The following RTTN variants were observed in gnomAD, a reference collection of about 807,000 sequenced individuals.
RTTN encodes rotatin.
A neutral mutation model predicts 269.2 loss-of-function variants in RTTN; 182 were observed. That is an observed-to-expected ratio of 0.68 (90% CI 0.60 to 0.76). The LOEUF is 0.76. Ranked by LOEUF, RTTN falls within the 30% of genes least tolerant of loss-of-function variation. The pLI, the probability that RTTN is intolerant of heterozygous loss-of-function variation, is 0.00. For synonymous variants in RTTN, 1,006 were observed against 963.5 expected (o/e 1.04, Z -0.82); for missense variants, 2,545 against 2,608.6 (o/e 0.98, Z 0.53).
chr18:70,121,811 G>A (rs1299604415), intron 25 of RTTN, 111 bp from the exon 26 acceptor site: 4 of 1,030,674 alleles, frequency 3.9e-6, no homozygotes, highest in Non-Finnish European at 5.4e-6. Context: ...GCTATTTTAT[G>A]AGACACTGTT....
At chr18:70,103,651 C>T (rs927442786) in intron 28 of RTTN, among the ~76,000 whole-genome samples, 1 of 151,778 alleles carries the variant, frequency 6.6e-6, no homozygotes, top group Non-Finnish European at 1.5e-5. Flanking sequence ...CCTAGGAAAA[C>T]CAGAGACCTT....
intron 40 of RTTN, among the ~76,000 whole-genome samples, chr18:70,032,076 G>T (rs2057029920): frequency 6.6e-6 from 1 of 152,218 alleles, no homozygotes; most frequent in South Asian, 2.1e-4. Context: ...AGCCCAGAGA[G>T]TTTGGTATGG....
intron 30 of RTTN, among the ~76,000 whole-genome samples, chr18:70,090,747 A>G (rs1274052977): frequency 6.6e-6 from 1 of 152,192 alleles, no homozygotes; most frequent in Non-Finnish European, 1.5e-5. Flanking sequence ...GACCCTGCCC[A>G]GTGCTTCAGG....
At chr18:70,165,664 A>C (rs111648407) in intron 14 of RTTN, among the ~76,000 whole-genome samples, 7 of 152,224 alleles carry the variant, frequency 4.6e-5, no homozygotes, top group African/African-American at 1.7e-4. Flanking sequence ...CAGAAAAATA[A>C]ATATTTCAAA....
intron 27 of RTTN, 78 bp downstream of exon 27, chr18:70,114,367 C>T: frequency 7.7e-7 from 1 of 1,293,850 alleles, no homozygotes. Flanking sequence ...GAAAGAAGTA[C>T]AAAGTAAAAC....
intron 26 of RTTN, among the ~76,000 whole-genome samples, chr18:70,119,212 A>C (rs1427704105): frequency 6.6e-6 from 1 of 152,138 alleles, no homozygotes; most frequent in Non-Finnish European, 1.5e-5. Flanking sequence ...CTTTGATCTT[A>C]AAAATGAATT....
chr18:70,116,394 T>G (rs983546238), intron 26 of RTTN, among the ~76,000 whole-genome samples: 1 of 152,108 alleles, frequency 6.6e-6, no homozygotes, highest in African/African-American at 2.4e-5. Context: ...TATTAATAAC[T>G]TGCTTCCACT....
chr18:70,031,768 A>C (rs983734430), intron 40 of RTTN, among the ~76,000 whole-genome samples: 1 of 151,242 alleles, frequency 6.6e-6, no homozygotes, highest in Admixed American at 6.6e-5. Context: ...AGACTGGCAC[A>C]CTCCTAGCAG....
chr18:70,190,616 C>T lies in RTTN; in HGVS notation c.1111G>A (p.Glu371Lys). 6.2e-7 allele frequency: 1 copy of T among 1,613,764 alleles called. No individual in the cohort carries two copies. The highest frequency in any genetic ancestry group is 8.5e-7 in the Non-Finnish European group (1 of 1,179,686). Residue 371 changes from glutamate (E) to lysine (K), a missense_variant, in exon 9 of 49, where the codon GAA (glutamate) becomes AAA (lysine). Glu to Lys is a moderately conservative substitution (Grantham distance 56). Coordinates refer to ENST00000640769, the MANE Select transcript of RTTN (RefSeq NM_173630.4). ...LPELETEDTL[E>K]LQFQQLSLPQ... ...AGACTGAGCTGCTGGAATTGTAGTT[C>T]CAATGTGTCTTCAGTTTCCAGCTCT...
At chr18:70,020,554 G>T in intron 45 of RTTN, 61 bp downstream of exon 45, 2 of 1,365,492 alleles carry the variant, frequency 1.5e-6, no homozygotes, top group East Asian at 2.3e-5. Context: ...GTAAACTTTT[G>T]ATTGGAAAGA....
chr18:70,160,257 C>A (rs1195512006), intron 14 of RTTN, among the ~76,000 whole-genome samples: 2 of 151,882 alleles, frequency 1.3e-5, no homozygotes, highest in African/African-American at 4.8e-5. Flanking sequence ...GCCTTATCCA[C>A]TGGATGCAAG....
chr18:70,099,630 G>A (rs982845161), intron 28 of RTTN, among the ~76,000 whole-genome samples: 1 of 152,124 alleles, frequency 6.6e-6, no homozygotes, highest in Non-Finnish European at 1.5e-5. Context: ...ATTGCTTTTG[G>A]TATTTTAGTC....
At chr18:70,091,133 T>A (rs1349985412) in intron 30 of RTTN, among the ~76,000 whole-genome samples, 9 of 152,164 alleles carry the variant, frequency 5.9e-5, no homozygotes, top group Non-Finnish European at 2.9e-5. Flanking sequence ...TTAAATGACA[T>A]TTAGATGAGA....
At position 70,041,676 on chromosome 18, in the gene RTTN, G is replaced by A. The variant is rs186643427; in HGVS notation, c.5541+6295C>T. 1.9e-4 allele frequency among the ~76,000 whole-genome samples: 29 copies of A among 152,244 alleles called. No homozygotes were observed. The East Asian group carries it at 2.1e-3, about 11-fold the overall frequency. ...TTCCTCCCAGCCCTTGCAAAATCCCGGATGCTTAGTCTCTGGAGAGGATAA... is the reference window on the plus strand; with the variant it reads ...TTCCTCCCAGCCCTTGCAAAATCCCAGATGCTTAGTCTCTGGAGAGGATAA... On this transcript the variant is annotated intron_variant, in intron 40 of 48. Transcript: ENST00000640769.
At chr18:70,195,514 C>T (rs2061783890) in intron 7 of RTTN, among the ~76,000 whole-genome samples, 1 of 152,142 alleles carries the variant, frequency 6.6e-6, no homozygotes, top group African/African-American at 2.4e-5. Context: ...CATTCTGTCA[C>T]ATCACCCTTT....
intron 28 of RTTN, among the ~76,000 whole-genome samples, chr18:70,105,280 C>T (rs373592153): frequency 3.9e-5 from 6 of 152,342 alleles, no homozygotes; most frequent in South Asian, 2.1e-4. Flanking sequence ...GCTCTATAGG[C>T]GTGGGACCCT....
chr18:70,197,250 G>A (rs547999594), intron 6 of RTTN, among the ~76,000 whole-genome samples: 2 of 152,154 alleles, frequency 1.3e-5, no homozygotes, highest in African/African-American at 2.4e-5. Context: ...GTTACTCACC[G>A]CTACTGTATT....
intron 3 of RTTN, among the ~76,000 whole-genome samples, chr18:70,203,705 T>C (rs2062009817): frequency 1.3e-5 from 2 of 152,194 alleles, no homozygotes; most frequent in African/African-American, 2.4e-5. Flanking sequence ...AACAAGATCA[T>C]GAGCTAGGAC....
At chr18:70,008,012 AG>A (rs2056249340) in intron 46 of RTTN, 1 of 155,734 alleles carries the variant, frequency 6.4e-6, no homozygotes, top group African/African-American at 2.4e-5. Flanking sequence ...GGAGAGCTCT[AG>A]CTGGCATCTG....
Sources: allele counts gnomAD v4.1 joint callset (sites outside exome capture counted in the v4.1 genomes callset), GRCh38; gene constraint gnomAD v4.1.1; transcripts MANE v1.5; gene names NCBI Gene and HGNC (gene_info 2026-07-23, HGNC 2026-07-21).